LRRC3B: variants seen among roughly 807,000 people sequenced by gnomAD.
LRRC3B encodes leucine rich repeat containing 3B, also known as leucine-rich repeat-containing protein 3B.
LRRC3B carries 2 observed loss-of-function variants against 12.8 expected under a neutral mutation model. The ratio of observed to expected loss-of-function variants is 0.16; its 90% CI spans 0.06 to 0.49. The LOEUF is 0.49. Ranked by LOEUF, LRRC3B falls within the 20% of genes least tolerant of loss-of-function variation. The pLI, the probability that LRRC3B is intolerant of heterozygous loss-of-function variation, is 0.96. For synonymous variants in LRRC3B, 132 were observed against 122.0 expected (o/e 1.08, Z -0.54); for missense variants, 189 against 319.4 (o/e 0.59, Z 3.11).
At chr3:26,635,250 C>T (rs1178093337) in intron 1 of LRRC3B, among the ~76,000 whole-genome samples, 3 of 152,092 alleles carry the variant, frequency 2.0e-5, no homozygotes, top group Non-Finnish European at 4.4e-5. Flanking sequence ...TGCAGGAGTC[C>T]CAGAGGAGCC....
At chr3:26,638,640 T>G (rs1698955167) in intron 1 of LRRC3B, among the ~76,000 whole-genome samples, 1 of 152,018 alleles carries the variant, frequency 6.6e-6, no homozygotes, top group South Asian at 2.1e-4. Context: ...TTAACAAACA[T>G]GCCATAGTTC....
chr3:26,640,249 G>A (rs538558611), intron 1 of LRRC3B, among the ~76,000 whole-genome samples: 9 of 152,122 alleles, frequency 5.9e-5, no homozygotes, highest in African/African-American at 1.9e-4. Context: ...TCCTCAAGCT[G>A]TGTTCTTCTC....
Position 26,706,203 on chromosome 3 carries a change from C to T in LRRC3B, c.-160-3310C>T, listed in dbSNP as rs1037680429. Among the ~76,000 whole-genome samples, 8 of 152,122 alleles carry T rather than the reference C, an allele frequency of 5.3e-5. No individual in the cohort carries two copies. In the East Asian group the frequency reaches 1.4e-3, roughly 26 times the overall value. On this transcript the variant is annotated intron_variant, in intron 1 of 1. Coordinates refer to ENST00000396641, the Ensembl canonical transcript of LRRC3B. ...GGCACGAACTCCATTCATGATGGCT[C>T]TGCTTTCATGACCTAATCACTTCTC...
intron 1 of LRRC3B, among the ~76,000 whole-genome samples, chr3:26,696,497 C>T (rs1472664669): frequency 6.6e-6 from 1 of 152,178 alleles, no homozygotes; most frequent in Non-Finnish European, 1.5e-5. Context: ...TGATCAGACT[C>T]TCCCCTAACT....
intron 1 of LRRC3B, among the ~76,000 whole-genome samples, chr3:26,687,106 A>G (rs1700103973): frequency 6.6e-6 from 1 of 152,148 alleles, no homozygotes; most frequent in South Asian, 2.1e-4. Context: ...AGGACAGGGC[A>G]TTGGTGACTG....
chr3:26,703,221 C>G (rs1682746356), intron 1 of LRRC3B, among the ~76,000 whole-genome samples: 1 of 152,068 alleles, frequency 6.6e-6, no homozygotes, highest in East Asian at 1.9e-4. Flanking sequence ...TATGGATAAC[C>G]TGATCATATA....
At chr3:26,675,181 T>A (rs1382845630) in intron 1 of LRRC3B, among the ~76,000 whole-genome samples, 2 of 152,154 alleles carry the variant, frequency 1.3e-5, no homozygotes, top group African/African-American at 4.8e-5. Context: ...TAGATACAGG[T>A]AGGAGCTTTT....
At chr3:26,654,075 ATCTGTT>A (rs1699321202) in intron 1 of LRRC3B, among the ~76,000 whole-genome samples, 1 of 152,168 alleles carries the variant, frequency 6.6e-6, no homozygotes, top group Non-Finnish European at 1.5e-5. Flanking sequence ...GTTCCTGGTG[ATCTGTT>A]TCTAATAACC....
chr3:26,652,689 C>T (rs973015273), intron 1 of LRRC3B, among the ~76,000 whole-genome samples: 1 of 151,896 alleles, frequency 6.6e-6, no homozygotes, highest in African/African-American at 2.4e-5. Context: ...ACTTCCAAAA[C>T]CCCTTTATTT....
In LRRC3B at chr3:26,695,449, A is replaced by C. The variant is rs567075865; in HGVS notation, c.-160-14064A>C. On this transcript the variant is annotated intron_variant, in intron 1 of 1. Transcript: ENST00000396641. The stretch of plus-strand genomic sequence containing the variant: ...GGCCGAGGCAGGAGAATGGCGTGAA[A>C]CCGGGAGGCGGAGCTTGCAGTGAGC... 4.8e-3 allele frequency among the ~76,000 whole-genome samples: 724 copies of C among 152,118 alleles called. 6 individuals carry two copies. The highest frequency in any genetic ancestry group is 0.016 in the African/African-American group (681 of 41,506).
intron 1 of LRRC3B, among the ~76,000 whole-genome samples, chr3:26,662,512 A>G (rs760123770): frequency 3.3e-5 from 5 of 152,094 alleles, no homozygotes; most frequent in Non-Finnish European, 7.4e-5. Flanking sequence ...TCTACCGCTA[A>G]AACTACAACA....
chr3:26,692,143 A>T (rs1383096700), intron 1 of LRRC3B, among the ~76,000 whole-genome samples: 1 of 152,232 alleles, frequency 6.6e-6, no homozygotes, highest in Non-Finnish European at 1.5e-5. Context: ...TTATTCTGCC[A>T]GGTATCATTC....
intron 1 of LRRC3B, among the ~76,000 whole-genome samples, chr3:26,686,034 T>C (rs528847761): frequency 5.4e-4 from 83 of 152,302 alleles, no homozygotes; most frequent in Admixed American, 9.8e-4. Flanking sequence ...ATAGGATTCA[T>C]ATAGACTATA....
At chr3:26,708,417 G>A (rs1187084715) in intron 1 of LRRC3B, among the ~76,000 whole-genome samples, 3 of 152,174 alleles carry the variant, frequency 2.0e-5, no homozygotes, top group Non-Finnish European at 4.4e-5. Flanking sequence ...AAGAGAGTGT[G>A]TGGATAGTGG....
chr3:26,645,962 A>T (rs1699134680), intron 1 of LRRC3B, among the ~76,000 whole-genome samples: 1 of 152,134 alleles, frequency 6.6e-6, no homozygotes, highest in South Asian at 2.1e-4. Flanking sequence ...ATTCTGCTGG[A>T]CTACCCCAGG....
chr3:26,710,370 G>A (rs1157621446), exon 2 of LRRC3B: 9 of 1,613,870 alleles, frequency 5.6e-6, no homozygotes, highest in South Asian at 2.2e-5. Context: ...GAGGATGCCC[G>A]GAGACACCTC....
chr3:26,709,671 G>A, exon 2 of LRRC3B: 1 of 1,612,244 alleles, frequency 6.2e-7, no homozygotes, highest in Non-Finnish European at 8.5e-7. Context: ...TGACATTCCA[G>A]CATGAATCTG....
At chr3:26,677,497 T>C (rs1699884351) in intron 1 of LRRC3B, among the ~76,000 whole-genome samples, 1 of 152,174 alleles carries the variant, frequency 6.6e-6, no homozygotes, top group Admixed American at 6.5e-5. Flanking sequence ...TTGGAAGGGC[T>C]GGCAGGCTTG....
At chr3:26,699,019 G>A (rs1407915822) in intron 1 of LRRC3B, among the ~76,000 whole-genome samples, 2 of 151,900 alleles carry the variant, frequency 1.3e-5, no homozygotes, top group Non-Finnish European at 2.9e-5. Flanking sequence ...TCTAAAGCCT[G>A]TGTTTTATTG....
Sources: allele counts gnomAD v4.1 joint callset (sites outside exome capture counted in the v4.1 genomes callset), GRCh38; gene constraint gnomAD v4.1.1; transcripts MANE v1.5; gene names NCBI Gene and HGNC (gene_info 2026-07-23, HGNC 2026-07-21).